The following ALK variants were observed in gnomAD, a reference collection of about 807,000 sequenced individuals.
ALK encodes ALK tyrosine kinase receptor.
Under a neutral mutation model 163.1 loss-of-function variants are expected in ALK, and 74 were observed. The ratio of observed to expected loss-of-function variants is 0.45; its 90% confidence interval spans 0.38 to 0.55. ALK has a LOEUF of 0.55. Among genes scored for constraint, ALK ranks in the 20% least tolerant of loss-of-function variants. The pLI is 0.00. For missense variants in ALK, 2,063 were observed against 2,105.3 expected (o/e 0.98, Z 0.39); for synonymous variants, 960 against 843.2 (o/e 1.14, Z -2.40).
At chr2:29,615,917 C>T (rs6746239) in intron 3 of ALK, among the ~76,000 whole-genome samples, 120,080 of 152,218 alleles carry the variant, frequency 0.79, 47,648 homozygotes, top group African/African-American at 0.87. Flanking sequence ...GTAGACACCT[C>T]GGAACCCTCA....
At chr2:29,349,961 G>T (rs1057232356) in intron 5 of ALK, among the ~76,000 whole-genome samples, 3 of 152,190 alleles carry the variant, frequency 2.0e-5, no homozygotes, top group Non-Finnish European at 4.4e-5. Context: ...ACTGAAACAG[G>T]AATGTTACCC....
intron 1 of ALK, among the ~76,000 whole-genome samples, chr2:29,783,804 G>T (rs577388490): frequency 6.6e-6 from 1 of 152,266 alleles, no homozygotes; most frequent in Non-Finnish European, 1.5e-5. Flanking sequence ...TGGGGATAGA[G>T]GACCCTCCCT....
intron 1 of ALK, among the ~76,000 whole-genome samples, chr2:29,804,757 AT>A (rs1239337669): frequency 6.6e-6 from 1 of 152,038 alleles, no homozygotes; most frequent in East Asian, 1.9e-4. Flanking sequence ...AAGAAACTCC[AT>A]CTTGGATGCT....
intron 1 of ALK, among the ~76,000 whole-genome samples, chr2:29,917,671 C>A (rs1478042541): frequency 6.6e-6 from 1 of 152,144 alleles, no homozygotes; most frequent in African/African-American, 2.4e-5. Context: ...CAGCATATGT[C>A]CTCAGAGAAA....
chr2:29,509,772 C>T (rs1330833095), intron 4 of ALK, among the ~76,000 whole-genome samples: 1 of 152,092 alleles, frequency 6.6e-6, no homozygotes, highest in Admixed American at 6.5e-5. Context: ...AATTATAGTG[C>T]AGACTTTGGG....
At chr2:29,730,140 G>A (rs1394862841) in intron 1 of ALK, among the ~76,000 whole-genome samples, 1 of 152,246 alleles carries the variant, frequency 6.6e-6, no homozygotes, top group African/African-American at 2.4e-5. Context: ...GCCATTAAAT[G>A]CGGCACAAGC....
Position 29,218,031 on chromosome 2 carries a change from G to A in ALK, c.3645+2675C>T, listed in dbSNP as rs376926373. Among the ~76,000 whole-genome samples, 60 of 152,284 alleles carry A rather than the reference G, an allele frequency of 3.9e-4. No individual in the cohort carries two copies. The East Asian group carries it at 0.011, about 28-fold the overall frequency. On this transcript the variant is annotated intron_variant, in intron 23 of 28. Coordinates refer to ENST00000389048, the MANE Select transcript of ALK (RefSeq NM_004304.5). ...TCATCTTACAAAGTTGGATTTTGTG[G>A]CCCCGAGAATCCATGCAGGAAGCCC...
At chr2:29,213,899 G>A (rs2148158999) in intron 24 of ALK, 85 bp downstream of exon 24, 1 of 1,151,382 alleles carries the variant, frequency 8.7e-7, no homozygotes, top group African/African-American at 1.5e-5. Flanking sequence ...TGCTCTGAAG[G>A]GGGAAATGTG....
At chr2:29,513,098 C>A (rs1475879758) in intron 4 of ALK, among the ~76,000 whole-genome samples, 2 of 151,422 alleles carry the variant, frequency 1.3e-5, no homozygotes, top group African/African-American at 2.4e-5. Context: ...AGATTCAATG[C>A]CGTCCCCATC....
chr2:29,738,452 G>A (rs924668084), intron 1 of ALK, among the ~76,000 whole-genome samples: 1 of 152,006 alleles, frequency 6.6e-6, no homozygotes, highest in Non-Finnish European at 1.5e-5. Context: ...GGAAAATTCT[G>A]TAACTTATGT....
intron 4 of ALK, among the ~76,000 whole-genome samples, chr2:29,513,644 CA>C (rs1266226254): frequency 2.0e-5 from 3 of 151,794 alleles, no homozygotes; most frequent in Admixed American, 1.3e-4. Flanking sequence ...ACAAAATTGA[CA>C]AATGGGATCT....
chr2:29,419,630 T>C (rs948463031), intron 4 of ALK, among the ~76,000 whole-genome samples: 4 of 151,578 alleles, frequency 2.6e-5, no homozygotes, highest in African/African-American at 9.8e-5. Flanking sequence ...TGTAAGGACC[T>C]TAACTGCTCT....
chr2:29,640,960 G>A (rs1676683577), intron 3 of ALK, among the ~76,000 whole-genome samples: 1 of 152,074 alleles, frequency 6.6e-6, no homozygotes, highest in African/African-American at 2.4e-5. Context: ...AATCCCCTAA[G>A]TCAGAGAGGT....
chr2:29,683,548 T>A (rs1220252339), intron 3 of ALK, among the ~76,000 whole-genome samples: 1 of 152,160 alleles, frequency 6.6e-6, no homozygotes, highest in Non-Finnish European at 1.5e-5. Context: ...CACCAATCAC[T>A]TAGTAGAAAG....
chr2:29,239,882 C>A, intron 12 of ALK, 52 bp from the exon 13 acceptor site: 1 of 1,584,928 alleles, frequency 6.3e-7, no homozygotes, highest in Non-Finnish European at 8.6e-7. Flanking sequence ...AGACTGTCCC[C>A]CTTCCTGCCA....
intron 4 of ALK, among the ~76,000 whole-genome samples, chr2:29,530,877 G>T (rs1031989812): frequency 2.0e-5 from 3 of 152,184 alleles, no homozygotes; most frequent in African/African-American, 7.2e-5. Context: ...CATTCTTTTT[G>T]ATGTCAAGAT....
At chr2:29,767,441 A>G (rs1680894882) in intron 1 of ALK, among the ~76,000 whole-genome samples, 1 of 152,210 alleles carries the variant, frequency 6.6e-6, no homozygotes, top group Admixed American at 6.5e-5. Context: ...CTCATGTCCC[A>G]GGAAACCCAT....
intron 2 of ALK, among the ~76,000 whole-genome samples, chr2:29,697,614 C>T (rs1206638721): frequency 2.0e-5 from 3 of 152,170 alleles, no homozygotes; most frequent in Non-Finnish European, 2.9e-5. Context: ...TTCATCCTCT[C>T]CCCGAAGCCG....
At chr2:29,433,408 G>A (rs1313170880) in intron 4 of ALK, among the ~76,000 whole-genome samples, 3 of 152,136 alleles carry the variant, frequency 2.0e-5, no homozygotes, top group African/African-American at 4.8e-5. Context: ...GGAAACATGA[G>A]GCCATTAGGA....
Sources: gnomAD v4.1 joint callset for allele counts (sites outside exome capture counted in the v4.1 genomes callset) on GRCh38, gnomAD v4.1.1 for gene constraint, MANE v1.5 for transcripts, NCBI Gene and HGNC (gene_info 2026-07-23, HGNC 2026-07-21) for gene names.